MGA: variants seen among roughly 807,000 people sequenced by gnomAD.
MGA encodes MAX dimerization protein MGA, also known as MAX gene-associated protein.
In MGA, 40 loss-of-function variants were observed where a neutral mutation model predicts 261.1. That is an observed-to-expected ratio of 0.15 (90% confidence interval 0.12 to 0.20). The LOEUF (loss-of-function observed/expected upper bound fraction) is 0.20. Ranked by LOEUF, MGA falls within the 10% of genes least tolerant of loss-of-function variation. MGA has a pLI of 1.00. For synonymous variants in MGA, 1,302 were observed against 1,290.6 expected, an observed-to-expected ratio of 1.01 and a Z score of -0.19; for missense variants, 3,397 against 3,630.5, an observed-to-expected ratio of 0.94 and a Z score of 1.65.
At chr15:41,761,978 G>A (rs2063484765) in intron 21 of MGA, 128 bp downstream of exon 21, 2 of 997,928 alleles carry the variant, frequency 2.0e-6, no homozygotes, top group Non-Finnish European at 2.9e-6. Context: ...GTTATCCTTT[G>A]ACTGGGTGGT....
intron 9 of MGA, 129 bp downstream of exon 9, chr15:41,713,625 C>T: frequency 9.0e-7 from 1 of 1,105,388 alleles, no homozygotes; most frequent in South Asian, 1.7e-5. Context: ...TCTTATTATC[C>T]TTACATGCTC....
chr15:41,687,206 G>T (rs2059015888), intron 2 of MGA, among the ~76,000 whole-genome samples: 1 of 151,758 alleles, frequency 6.6e-6, no homozygotes, highest in African/African-American at 2.4e-5. Context: ...CTTAGATTAG[G>T]GTTTGGTGGA....
chr15:41,748,968 A>T, intron 16 of MGA, 41 bp downstream of exon 16: 1 of 1,596,992 alleles, frequency 6.3e-7, no homozygotes, highest in South Asian at 1.1e-5. Context: ...TTGTTGAATC[A>T]CTTGGCCATA....
intron 1 of MGA, among the ~76,000 whole-genome samples, chr15:41,634,998 A>G (rs1457070685): frequency 6.6e-6 from 1 of 152,164 alleles, no homozygotes; most frequent in Non-Finnish European, 1.5e-5. Flanking sequence ...TTAGGATGAC[A>G]TAGTTCAGAG....
At chr15:41,699,743 G>T (rs553923724) in intron 5 of MGA, among the ~76,000 whole-genome samples, 1 of 152,182 alleles carries the variant, frequency 6.6e-6, no homozygotes, top group South Asian at 2.1e-4. Context: ...CTTGTGATCC[G>T]CCCGCCTCGG....
chr15:41,696,830 C>T lies in MGA; in HGVS notation c.1820C>T (p.Ser607Phe), dbSNP rs1280905750. The T allele has an allele frequency of 4.4e-6, 7 of 1,599,464 alleles. No individual in the cohort carries two copies. The highest frequency in any genetic ancestry group is 6.0e-6 in the Non-Finnish European group (7 of 1,172,800). Residue 607 changes from serine (S) to phenylalanine (F), a missense_variant, in exon 3 of 24, where the codon TCT becomes TTT. By Grantham distance (155) the Ser-to-Phe change is radical. This residue lies in a region of MGA where 563 missense variants were observed against 563.6 expected (regional missense o/e 1.00). Transcript: ENST00000219905. ...GTAGTGAATGCTAATCAGAATGCCTCTCCAAATGTCCCTGGAAAAAGAGGA... is the reference window on the plus strand; with the variant it reads ...GTAGTGAATGCTAATCAGAATGCCTTTCCAAATGTCCCTGGAAAAAGAGGA...
At chr15:41,625,495 C>T (rs533653840) in intron 1 of MGA, among the ~76,000 whole-genome samples, 2 of 151,244 alleles carry the variant, frequency 1.3e-5, no homozygotes, top group African/African-American at 4.9e-5. Flanking sequence ...TAAACGCTTG[C>T]TCCTTGGAGA....
At chr15:41,647,948 T>A (rs11070343) in intron 1 of MGA, among the ~76,000 whole-genome samples, 43,638 of 152,118 alleles carry the variant, frequency 0.29, 7,411 homozygotes, top group Admixed American at 0.38. Context: ...GGATTCCCTG[T>A]GGTATTCTAA....
upstream of MGA, among the ~76,000 whole-genome samples, chr15:41,658,239 C>CGG (rs2057248242): frequency 6.6e-6 from 1 of 151,990 alleles, no homozygotes. Context: ...TAGGCTGGAC[C>CGG]AATAAGTTGA....
At chr15:41,727,553 A>C in intron 10 of MGA, 147 bp downstream of exon 10, 1 of 722,900 alleles carries the variant, frequency 1.4e-6, no homozygotes, top group Non-Finnish European at 2.2e-6. Context: ...TGGTTTAATC[A>C]GTTTAGTGCT....
chr15:41,624,588 C>T (rs115422280), intron 1 of MGA, among the ~76,000 whole-genome samples: 2,174 of 151,976 alleles, frequency 0.014, 61 homozygotes, highest in African/African-American at 0.05. Flanking sequence ...CCGCCTTGGC[C>T]TCCCAAAGTG....
chr15:41,720,470 G>T (rs1436484708), intron 9 of MGA, among the ~76,000 whole-genome samples: 2 of 152,184 alleles, frequency 1.3e-5, no homozygotes, highest in African/African-American at 4.8e-5. Flanking sequence ...AGGAGGTTGA[G>T]CCTGCAGTGA....
At position 41,708,756 on chromosome 15, in the gene MGA, T is replaced by A. The variant is rs138557548; in HGVS notation, c.2425+548T>A. On this transcript the variant is annotated intron_variant, in intron 7 of 23. Coordinates refer to ENST00000219905, the MANE Select transcript of MGA (RefSeq NM_001164273.2). ...CCTTTTTAACAGCATTTCTGTTATT[T>A]CTGTTTCTGCAGTTACAAAAAACAT... Among the ~76,000 whole-genome samples the A allele has an allele frequency of 9.9e-3, 1,504 of 152,348 alleles. 11 individuals are homozygous for A. Among genetic ancestry groups the A allele is most frequent in the Non-Finnish European group, 0.014 (986 of 68,036 alleles).
At chr15:41,692,492 T>C (rs2059339003) in intron 2 of MGA, among the ~76,000 whole-genome samples, 1 of 152,232 alleles carries the variant, frequency 6.6e-6, no homozygotes, top group Non-Finnish European at 1.5e-5. Flanking sequence ...CTTCACACAG[T>C]GCAAATGCTG....
Position 41,708,267 on chromosome 15 carries a change from TTAAAAG to T in MGA, c.2425+63_2425+68del. On this transcript the variant is annotated intron_variant, in intron 7 of 23. Coordinates refer to ENST00000219905, the MANE Select transcript of MGA (RefSeq NM_001164273.2). The stretch of plus-strand genomic sequence containing the variant: ...GAAACATGTAGCCAGAAACCTTTTG[TTAAAAG>T]TAAGTCTTGGTTGTTTTTCTTCATT... 3 of 1,214,504 alleles carry T rather than the reference TTAAAAG, an allele frequency of 2.5e-6. No individual in the cohort carries two copies. In the South Asian group the frequency reaches 4.3e-5, roughly 17 times the overall value. The allele number at this position is 1,214,504 out of a possible 1,614,324, so 75.2% of individuals were successfully genotyped here. A position where few individuals can be genotyped will look rare whatever the true frequency, so the allele number is the denominator to read the frequency against.
rs1173810439 is a variant in MGA at position 41,748,591 on chromosome 15, G to T, written c.5213-46G>T. On this transcript the variant is annotated intron_variant, in intron 15 of 23. Transcript: ENST00000219905. The stretch of plus-strand genomic sequence containing the variant: ...ATGAATACTTTTTTTTCCTACGTGT[G>T]TTAAAGGGGAATTTGGGTACCATGT... 3.8e-6 allele frequency: 6 copies of T among 1,581,204 alleles called. No homozygotes were observed. The Admixed American group carries it at 5.4e-5, about 14-fold the overall frequency.
At chr15:41,739,497 T>C (rs2061974067) in intron 13 of MGA, among the ~76,000 whole-genome samples, 1 of 152,236 alleles carries the variant, frequency 6.6e-6, no homozygotes, top group South Asian at 2.1e-4. Flanking sequence ...AGCTTCATTA[T>C]GTCTCTCTGG....
At chr15:41,684,716 T>G (rs1314973193) in intron 2 of MGA, 1 of 169,408 alleles carries the variant, frequency 5.9e-6, no homozygotes, top group Non-Finnish European at 1.3e-5. Context: ...TCTTGAAATG[T>G]GAAGATATCG....
At chr15:41,709,942 C>A (rs1252453483) in intron 7 of MGA, among the ~76,000 whole-genome samples, 2 of 151,998 alleles carry the variant, frequency 1.3e-5, no homozygotes, top group Non-Finnish European at 2.9e-5. Context: ...CTGCTTCAGC[C>A]TCCTGAGTAT....
Sources: gnomAD v4.1 joint callset for allele counts (sites outside exome capture counted in the v4.1 genomes callset) on GRCh38, gnomAD v4.1.1 for gene constraint, gnomAD v4.1.1 regional missense constraint, MANE v1.5 for transcripts, NCBI Gene and HGNC (gene_info 2026-07-23, HGNC 2026-07-21) for gene names.